DACH2: variants seen among roughly 807,000 people sequenced by gnomAD.
DACH2 encodes the protein dachshund family transcription factor 2.
A neutral mutation model predicts 35.8 loss-of-function variants in DACH2; 17 were observed. The ratio of observed to expected loss-of-function variants is 0.48; its 90% CI spans 0.33 to 0.71. The LOEUF (loss-of-function observed/expected upper bound fraction) is 0.71. Among genes scored for constraint, DACH2 ranks in the 30% least tolerant of loss-of-function variants. DACH2 has a pLI of 0.02. For missense variants in DACH2, 469 were observed against 472.7 expected, an observed-to-expected ratio of 0.99 and a Z score of 0.07; for synonymous variants, 195 against 177.3, an observed-to-expected ratio of 1.10 and a Z score of -0.79.
At chrX:86,203,255 A>G (rs1303221590) in intron 1 of DACH2, among the ~76,000 whole-genome samples, 1 of 111,545 alleles carries the variant, frequency 9.0e-6, no homozygotes, top group Non-Finnish European at 1.9e-5. Context: ...ACAGATTTAT[A>G]GTAACTTTAA....
At chrX:86,503,222 T>C (rs947665511) in intron 2 of DACH2, among the ~76,000 whole-genome samples, 5 of 111,951 alleles carry the variant, frequency 4.5e-5, no homozygotes, top group Non-Finnish European at 9.4e-5. Flanking sequence ...GAACCGTGAA[T>C]GTAAGGGTGT....
chrX:86,453,583 T>G (rs1402571405), intron 2 of DACH2, among the ~76,000 whole-genome samples: 1 of 112,038 alleles, frequency 8.9e-6, no homozygotes, highest in Non-Finnish European at 1.9e-5. Flanking sequence ...TGTTTGTCTT[T>G]TTTTTATCTT....
chrX:86,330,770 C>A (rs1017637206), intron 1 of DACH2, among the ~76,000 whole-genome samples: 42 of 111,493 alleles, frequency 3.8e-4, no homozygotes, highest in Admixed American at 7.6e-4. Context: ...GTGAAGTAAG[C>A]ATACTTCTTA....
intron 2 of DACH2, among the ~76,000 whole-genome samples, chrX:86,406,156 C>A (rs1474023696): frequency 9.0e-6 from 1 of 111,530 alleles, no homozygotes; most frequent in African/African-American, 3.3e-5. Context: ...CTATCAGTGG[C>A]AGACTTGATA....
intron 7 of DACH2, among the ~76,000 whole-genome samples, chrX:86,811,289 A>T (rs908840782): frequency 2.7e-5 from 3 of 111,874 alleles, no homozygotes; most frequent in Non-Finnish European, 5.6e-5. Flanking sequence ...TGAATGGCAC[A>T]ACTTGCCACA....
intron 3 of DACH2, among the ~76,000 whole-genome samples, chrX:86,641,990 G>A (rs1315140998): frequency 1.8e-5 from 2 of 111,722 alleles, no homozygotes; most frequent in African/African-American, 6.5e-5. Context: ...ATCACTACCA[G>A]CTAAGACAAA....
At chrX:86,150,852 T>A (rs1408626249) in intron 1 of DACH2, among the ~76,000 whole-genome samples, 1 of 111,862 alleles carries the variant, frequency 8.9e-6, no homozygotes, top group Admixed American at 9.5e-5. Context: ...TTTAAATAAT[T>A]GCAGACATGA....
chrX:86,481,203 G>A (rs760419036), intron 2 of DACH2: 3 of 111,850 alleles, frequency 2.7e-5, no homozygotes, highest in Non-Finnish European at 5.6e-5. Context: ...TCTCTCTTTT[G>A]TGCTCTGTAA....
At chrX:86,612,692 G>T (rs1397777078) in intron 3 of DACH2, among the ~76,000 whole-genome samples, 1 of 112,096 alleles carries the variant, frequency 8.9e-6, no homozygotes, top group African/African-American at 3.2e-5. Context: ...GCAGAGGTGG[G>T]GTTGACAATT....
At position 86,256,999 on chromosome X, in the gene DACH2, T is replaced by C. The variant is rs185625713; in HGVS notation, c.488+107891T>C. 4.5e-5 allele frequency among the ~76,000 whole-genome samples: 5 copies of C among 112,339 alleles called. No individual in the cohort carries two copies. In the East Asian group the frequency reaches 1.4e-3, roughly 32 times the overall value. ...CATTTCCTCTATGCACACATCTACA[T>C]ATTTATTTAAACAAAATTAGGATCA... On this transcript the variant is annotated intron_variant, in intron 1 of 11. Coordinates refer to ENST00000373125, the MANE Select transcript of DACH2 (RefSeq NM_053281.3).
chrX:86,491,419 A>G (rs1031993519), intron 2 of DACH2, among the ~76,000 whole-genome samples: 1 of 112,233 alleles, frequency 8.9e-6, no homozygotes, highest in African/African-American at 3.2e-5. Context: ...GTTTGCTTCT[A>G]TATGAAAAGA....
chrX:86,665,619 A>G (rs779362907), intron 4 of DACH2, among the ~76,000 whole-genome samples: 2 of 112,073 alleles, frequency 1.8e-5, no homozygotes, highest in Non-Finnish European at 1.9e-5. Flanking sequence ...ATAGCCAACG[A>G]AGGAAAAATC....
chrX:86,466,753 T>C (rs1317847625), intron 2 of DACH2, among the ~76,000 whole-genome samples: 1 of 111,461 alleles, frequency 9.0e-6, no homozygotes, highest in Non-Finnish European at 1.9e-5. Context: ...AAACCTCAAT[T>C]CTTGACTTCT....
chrX:86,759,841 G>T (rs2041863295), intron 7 of DACH2, among the ~76,000 whole-genome samples: 1 of 111,628 alleles, frequency 9.0e-6, no homozygotes, highest in African/African-American at 3.2e-5. Context: ...CATAATGGTA[G>T]ATATTCTTCA....
At position 86,445,397 on chromosome X, in the gene DACH2, T is replaced by C. The variant is rs773086198; in HGVS notation, c.527+68535T>C. ...GGGGGAGGGATAGCATTGGGAGATA[T>C]ACCTAATGCTAGATGACACGTTAGT... On this transcript the variant is annotated intron_variant, in intron 2 of 11. Transcript: ENST00000373125. 3.9e-3 allele frequency among the ~76,000 whole-genome samples: 362 copies of C among 92,225 alleles called. 2 individuals are homozygous for C. The highest frequency in any genetic ancestry group is 0.013 in the African/African-American group (337 of 25,070). 80.1% of individuals were successfully genotyped at this position (92,225 alleles called of 115,157 possible).
At chrX:86,404,621 T>G (rs2036493299) in intron 2 of DACH2, among the ~76,000 whole-genome samples, 1 of 112,160 alleles carries the variant, frequency 8.9e-6, no homozygotes, top group South Asian at 3.7e-4. Flanking sequence ...CTTTCACTGC[T>G]GGCATTGAGT....
At chrX:86,303,032 A>T (rs927618353) in intron 1 of DACH2, among the ~76,000 whole-genome samples, 2 of 104,664 alleles carry the variant, frequency 1.9e-5, no homozygotes, top group Non-Finnish European at 3.9e-5. Flanking sequence ...TGAAGCACAG[A>T]GCAGGTAAGT....
intron 1 of DACH2, among the ~76,000 whole-genome samples, chrX:86,162,615 G>A (rs773651963): frequency 2.6e-4 from 29 of 110,752 alleles, no homozygotes; most frequent in Non-Finnish European, 4.9e-4. Context: ...AAAACTGAAG[G>A]CAAAATGTAG....
intron 3 of DACH2, among the ~76,000 whole-genome samples, chrX:86,579,474 GA>G (rs2039476034): frequency 9.4e-6 from 1 of 106,153 alleles, no homozygotes; most frequent in Admixed American, 1.0e-4. Flanking sequence ...CAGGTGAGTG[GA>G]CAAAAAAAAA....
Sources: gnomAD v4.1 joint callset for allele counts (sites outside exome capture counted in the v4.1 genomes callset) on GRCh38, gnomAD v4.1.1 for gene constraint, MANE v1.5 for transcripts, NCBI Gene and HGNC (gene_info 2026-07-23, HGNC 2026-07-21) for gene names.